The following C18orf63 variants were observed in gnomAD, a reference collection of about 807,000 sequenced individuals.
C18orf63 encodes the protein uncharacterized protein C18orf63.
In C18orf63, 50 loss-of-function variants were observed where a neutral mutation model predicts 75.3. That is an observed-to-expected ratio of 0.66 (90% CI 0.53 to 0.84). C18orf63 has a LOEUF of 0.84. C18orf63 is among the 40% of genes least tolerant of loss of function. C18orf63 has a pLI of 0.00. For missense variants in C18orf63, 732 were observed against 800.2 expected (o/e 0.91, Z 1.03); for synonymous variants, 232 against 267.6 (o/e 0.87, Z 1.30).
intron 4 of C18orf63, among the ~76,000 whole-genome samples, chr18:74,326,004 G>A (rs982277981): frequency 6.6e-6 from 1 of 152,166 alleles, no homozygotes; most frequent in African/African-American, 2.4e-5. Flanking sequence ...AATTCCTTGG[G>A]CCATAGAGAA....
chr18:74,332,572 G>A (rs1984326949), intron 7 of C18orf63, among the ~76,000 whole-genome samples: 2 of 152,014 alleles, frequency 1.3e-5, no homozygotes, highest in African/African-American at 2.4e-5. Flanking sequence ...GCATGGTGGT[G>A]CATTCCTGTA....
intron 7 of C18orf63, among the ~76,000 whole-genome samples, chr18:74,331,781 A>C (rs1984311699): frequency 6.6e-6 from 1 of 152,182 alleles, no homozygotes; most frequent in African/African-American, 2.4e-5. Flanking sequence ...CTGATTGGCT[A>C]TACGTGTCCT....
chr18:74,339,063 AAAG>A (rs1984437162), intron 8 of C18orf63, among the ~76,000 whole-genome samples: 1 of 152,050 alleles, frequency 6.6e-6, no homozygotes, highest in Non-Finnish European at 1.5e-5. Flanking sequence ...TAGTTTCAAA[AAAG>A]GTAATATTTC....
chr18:74,320,002 A>G (rs568996546), intron 2 of C18orf63, among the ~76,000 whole-genome samples: 14 of 152,336 alleles, frequency 9.2e-5, no homozygotes, highest in African/African-American at 3.1e-4. Context: ...GTGCTATGCA[A>G]AGTGTGGGGA....
chr18:74,317,905 C>A lies in C18orf63; in HGVS notation c.40C>A (p.Leu14Ile). 6.5e-7 allele frequency: 1 copy of A among 1,534,892 alleles called. No homozygotes were observed. Among genetic ancestry groups the A allele is most frequent in the Non-Finnish European group, 8.7e-7 (1 of 1,145,986 alleles). The change falls in exon 2 of 14, where the codon CTT (leucine) becomes ATT (isoleucine). Residue 14 changes from leucine to isoleucine, a missense_variant. Physicochemically the swap from Leu to Ile is conservative, Grantham distance 5 (BLOSUM62 2). Around this residue, in one of 3 missense-constraint regions of C18orf63, gnomAD observed 233 missense variants for 272.7 expected, o/e 0.85. Coordinates refer to ENST00000579455, the MANE Select transcript of C18orf63 (RefSeq NM_001174123.2). Reference protein sequence around the residue: ...SRQQSLFFITLPDLNKLCAVR... With the variant: ...SRQQSLFFITIPDLNKLCAVR... ...GCAGCAGTCTCTGTTCTTCATCACA[C>A]TTCCAGATTTAAACAAACTCTGTGC...
rs1330934488 is a variant in C18orf63, at chr18:74,358,678, C to T, written c.*2231C>T. 3.3e-5 allele frequency: 5 copies of T among 151,870 alleles called. No homozygotes were observed. Among genetic ancestry groups the T allele is most frequent in the Admixed American group, 2.6e-4 (4 of 15,224 alleles). 9.4% of individuals were successfully genotyped at this position (151,870 alleles called of 1,614,324 possible). A position where few individuals can be genotyped will look rare whatever the true frequency, so the allele number is the denominator to read the frequency against. On this transcript the variant is annotated 3_prime_UTR_variant, in exon 14 of 14. Transcript: ENST00000579455. ...TTTAGAACCATTTTAATTTTAAAAC[C>T]ATAAGAAAATAATTTTATGTTTGCC...
At chr18:74,325,367 A>T (rs945611941) in intron 4 of C18orf63, among the ~76,000 whole-genome samples, 2 of 152,162 alleles carry the variant, frequency 1.3e-5, no homozygotes, top group African/African-American at 4.8e-5. Flanking sequence ...TTGATTTCCA[A>T]TGTAATTGTT....
At chr18:74,350,783 C>T (rs957658862) in intron 11 of C18orf63, among the ~76,000 whole-genome samples, 1 of 152,088 alleles carries the variant, frequency 6.6e-6, no homozygotes. Flanking sequence ...TCTTTGCACC[C>T]CTTGAAAATA....
At position 74,356,732 on chromosome 18, in the gene C18orf63, A is replaced by G. The variant is rs1489949335; in HGVS notation, c.*285A>G. On this transcript the variant is annotated 3_prime_UTR_variant, in exon 14 of 14. Transcript: ENST00000579455. ...GTCTGCAGATCTTTGCAAAATATCCAATGATCTTATACAGTAGTTTTGATA... is the reference window on the plus strand; with the variant it reads ...GTCTGCAGATCTTTGCAAAATATCCGATGATCTTATACAGTAGTTTTGATA... 2 of 152,174 alleles carry G rather than the reference A, an allele frequency of 1.3e-5. No individual in the cohort carries two copies. The highest frequency in any genetic ancestry group is 2.4e-5 in the African/African-American group (1 of 41,438). 9.4% of individuals were successfully genotyped at this position (152,174 alleles called of 1,614,324 possible). A position where few individuals can be genotyped will look rare whatever the true frequency, so the allele number is the denominator to read the frequency against.
intron 6 of C18orf63, among the ~76,000 whole-genome samples, chr18:74,329,373 C>CAAA (rs5826314): frequency 3.5e-3 from 334 of 94,304 alleles, no homozygotes; most frequent in African/African-American, 0.012. Context: ...GACCCTATTT[C>CAAA]AAAAAAAAAA....
At chr18:74,338,655 A>C in intron 7 of C18orf63, 60 bp from the exon 8 acceptor site, 3 of 674,562 alleles carry the variant, frequency 4.4e-6, no homozygotes, top group Non-Finnish European at 6.7e-6. Flanking sequence ...TGTATCTTTT[A>C]AAATGTTTCC....
At chr18:74,319,626 G>C (rs772551473) in intron 2 of C18orf63, among the ~76,000 whole-genome samples, 1 of 152,178 alleles carries the variant, frequency 6.6e-6, no homozygotes, top group African/African-American at 2.4e-5. Flanking sequence ...GGCTTGGGAA[G>C]AATTTCCTTT....
rs187466634 is a variant in C18orf63 at position 74,343,698 on chromosome 18, T to C, written c.974T>C (p.Ile325Thr). 58 of 1,509,440 alleles carry C rather than the reference T, an allele frequency of 3.8e-5. No homozygotes were observed. The East Asian group carries it at 1.3e-3, about 34-fold the overall frequency. The allele number at this position is 1,509,440 out of a possible 1,614,324, so 93.5% of individuals were successfully genotyped here. The change falls in exon 11 of 14, where the codon ATA (isoleucine) becomes ACA (threonine). Residue 325 changes from isoleucine to threonine, a missense_variant. Coordinates refer to ENST00000579455, the MANE Select transcript of C18orf63 (RefSeq NM_001174123.2). ...ACACAAGAACTAACTAAACCTAATA[T>C]ACAGGTAAGAGATCTCTTGTCCTAT... ...YYTQELTKPN[I>T]QEHKVKPPNL... is the part of the protein sequence containing the mutation.
intron 4 of C18orf63, among the ~76,000 whole-genome samples, chr18:74,323,262 G>A (rs1984155394): frequency 6.6e-6 from 1 of 152,188 alleles, no homozygotes; most frequent in South Asian, 2.1e-4. Context: ...GAGACACTGT[G>A]TCATTGGTTA....
At chr18:74,345,293 A>T (rs1294914997) in intron 11 of C18orf63, among the ~76,000 whole-genome samples, 1 of 151,774 alleles carries the variant, frequency 6.6e-6, no homozygotes, top group African/African-American at 2.4e-5. Flanking sequence ...TTCATCAGTT[A>T]TACATAATTA....
Position 74,353,534 on chromosome 18 carries a change from A to T in C18orf63, c.1267A>T (p.Thr423Ser), listed in dbSNP as rs1047902071. 1 of 1,536,528 alleles carries T rather than the reference A, an allele frequency of 6.5e-7. No individual in the cohort carries two copies. The highest frequency in any genetic ancestry group is 8.7e-7 in the Non-Finnish European group (1 of 1,147,010). ...PNRGNTQVQH[T>S]NLSSQSNITP... ...CAGAGGAAATACTCAAGTTCAGCACACAAATCTTAGCTCCCAAAGCAACAT... is the reference window on the plus strand; with the variant it reads ...CAGAGGAAATACTCAAGTTCAGCACTCAAATCTTAGCTCCCAAAGCAACAT... The change falls in exon 12 of 14, where the codon ACA becomes TCA. Residue 423 changes from threonine (T) to serine (S), a missense_variant. By Grantham distance (58) the Thr-to-Ser change is moderately conservative. Coordinates refer to ENST00000579455, the MANE Select transcript of C18orf63 (RefSeq NM_001174123.2).
At chr18:74,326,104 G>T (rs767979528) in intron 4 of C18orf63, among the ~76,000 whole-genome samples, 2 of 152,144 alleles carry the variant, frequency 1.3e-5, no homozygotes, top group African/African-American at 2.4e-5. Context: ...TTTGGGTCTG[G>T]GCCCCTGGGG....
intron 6 of C18orf63, among the ~76,000 whole-genome samples, chr18:74,329,527 T>C (rs1984269307): frequency 6.6e-6 from 1 of 152,170 alleles, no homozygotes; most frequent in South Asian, 2.1e-4. Context: ...TTCTAGACTG[T>C]ATGAGAAAAA....
intron 2 of C18orf63, 109 bp downstream of exon 2, chr18:74,318,108 T>C: frequency 1.5e-6 from 1 of 648,322 alleles, no homozygotes; most frequent in South Asian, 5.1e-5. Context: ...AACTTGTGTT[T>C]ATAATTTTAA....
Sources: allele counts gnomAD v4.1 joint callset (sites outside exome capture counted in the v4.1 genomes callset), GRCh38; gene constraint gnomAD v4.1.1; regional missense constraint gnomAD v4.1.1; transcripts MANE v1.5; gene names NCBI Gene and HGNC (gene_info 2026-07-23, HGNC 2026-07-21).